CEACAM19: variants seen among roughly 807,000 people sequenced by gnomAD.
CEACAM19 encodes CEA cell adhesion molecule 19.
A neutral mutation model predicts 37.6 loss-of-function variants in CEACAM19; 37 were observed. The observed-to-expected ratio is 0.98, with a 90% confidence interval of 0.76 to 1.29. CEACAM19 has a LOEUF of 1.29. CEACAM19 is among the 50% of genes most tolerant of loss of function. The pLI is 0.00. For missense variants in CEACAM19, 340 were observed against 375.6 expected, an observed-to-expected ratio of 0.91 and a Z score of 0.78; for synonymous variants, 140 against 149.8, an observed-to-expected ratio of 0.93 and a Z score of 0.48.
Position 44,672,637 on chromosome 19 carries a change from G to T in CEACAM19, c.97G>T (p.Ala33Ser), listed in dbSNP as rs1973875625. Residue 33 changes from alanine to serine, a missense_variant, in exon 2 of 8, where the codon GCT becomes TCT. Coordinates refer to ENST00000358777, the MANE Select transcript of CEACAM19 (RefSeq NM_001127893.3). ...VLWMLQGSQA[A>S]LYIQKIPEQP... ...CTGGATGCTCCAAGGCTCCCAGGCA[G>T]CTCTCTACATCCAGAAGATTCCAGA... 6.7e-7 allele frequency: 1 copy of T among 1,495,338 alleles called. No homozygotes were observed. Among genetic ancestry groups the T allele is most frequent in the African/African-American group, 1.4e-5 (1 of 70,790 alleles). 92.6% of individuals were successfully genotyped at this position (1,495,338 alleles called of 1,614,324 possible).
chr19:44,668,742 AATATAATATAATATAAT>A (rs1440248824), upstream of CEACAM19, among the ~76,000 whole-genome samples: 1 of 96,668 alleles, frequency 1.0e-5, no homozygotes, highest in African/African-American at 4.9e-5. Flanking sequence ...TATAATATAT[AATATAATATAATATAAT>A]ATATATAATA....
upstream of CEACAM19, among the ~76,000 whole-genome samples, chr19:44,668,661 A>ACATAT (rs1973802772): frequency 3.5e-5 from 3 of 85,316 alleles, no homozygotes; most frequent in African/African-American, 1.5e-4. Context: ...ATAATTATAT[A>ACATAT]ATTATATACA....
upstream of CEACAM19, among the ~76,000 whole-genome samples, chr19:44,670,764 G>A (rs1290553099): frequency 1.6e-5 from 2 of 121,862 alleles, no homozygotes; most frequent in Non-Finnish European, 3.3e-5. Flanking sequence ...GAAAGACAGA[G>A]CAAGACCCTG....
At chr19:44,667,596 T>C (rs1973736589), upstream of CEACAM19, among the ~76,000 whole-genome samples, 3 of 105,372 alleles carry the variant, frequency 2.8e-5, no homozygotes, top group South Asian at 7.3e-4. Flanking sequence ...TATATATTTT[T>C]ATATATAAAT....
intron 6 of CEACAM19, 95 bp downstream of exon 6, chr19:44,681,407 G>T: frequency 1.4e-6 from 1 of 740,554 alleles, no homozygotes; most frequent in Non-Finnish European, 2.3e-6. Context: ...TTGACACCAG[G>T]TTTGGGAATC....
chr19:44,676,435 A>G lies in CEACAM19; in HGVS notation c.575+14A>G, dbSNP rs1413763268. The G allele has an allele frequency of 2.5e-6, 4 of 1,613,648 alleles. No homozygotes were observed. Among genetic ancestry groups the G allele is most frequent in the Non-Finnish European group, 3.4e-6 (4 of 1,179,776 alleles). ...CCAGAGCCACAGGTACAGGGTCCCC[A>G]AGTGTCCCTCTCCTGTCTGCTCCCA... On this transcript the variant is annotated intron_variant, in intron 3 of 7. Coordinates refer to ENST00000358777, the MANE Select transcript of CEACAM19 (RefSeq NM_001127893.3).
chr19:44,674,710 A>G lies in CEACAM19; in HGVS notation c.425-1561A>G, dbSNP rs146741918. Among the ~76,000 whole-genome samples the G allele has an allele frequency of 3.3e-3, 497 of 152,294 alleles. 1 individual carries two copies. The highest frequency in any genetic ancestry group is 0.011 in the African/African-American group (471 of 41,556). On this transcript the variant is annotated intron_variant, in intron 2 of 7. Coordinates refer to ENST00000358777, the MANE Select transcript of CEACAM19 (RefSeq NM_001127893.3). ...GAGCCACCACCCCTGGCCCCTAGTT[A>G]AATTTTAAAATGAGTTTTGGACAGT...
At chr19:44,673,850 T>C (rs936822403) in intron 2 of CEACAM19, 1 of 152,094 alleles carries the variant, frequency 6.6e-6, no homozygotes, top group African/African-American at 2.4e-5. Context: ...AAGAAGGTGA[T>C]TGAGGGAGGG....
chr19:44,666,543 G>A (rs1260558209), upstream of CEACAM19, among the ~76,000 whole-genome samples: 2 of 152,162 alleles, frequency 1.3e-5, no homozygotes, highest in African/African-American at 2.4e-5. Flanking sequence ...GGTGGCGTGC[G>A]CCTATAGTCC....
chr19:44,675,528 G>A (rs1973932921), intron 2 of CEACAM19, among the ~76,000 whole-genome samples: 1 of 152,062 alleles, frequency 6.6e-6, no homozygotes, highest in Non-Finnish European at 1.5e-5. Context: ...GGCCACGTCT[G>A]TAATCCCAAC....
intron 3 of CEACAM19, chr19:44,678,598 A>G (rs1182030523): frequency 2.3e-5 from 7 of 308,594 alleles, no homozygotes; most frequent in African/African-American, 4.4e-5. Flanking sequence ...TTTAGTAGAG[A>G]CGGGGTTTCA....
upstream of CEACAM19, among the ~76,000 whole-genome samples, chr19:44,670,781 GAAAAAAAAAA>G (rs74691226): frequency 1.0e-4 from 6 of 58,174 alleles, no homozygotes; most frequent in East Asian, 8.4e-4. Context: ...CCTGTCTCAA[GAAAAAAAAAA>G]AAAAAAAAAA....
At chr19:44,668,475 A>AAT (rs1277348475), upstream of CEACAM19, among the ~76,000 whole-genome samples, 3 of 62,846 alleles carry the variant, frequency 4.8e-5, no homozygotes, top group Non-Finnish European at 7.8e-5. Flanking sequence ...TATATAATAT[A>AAT]ATATATATAT....
chr19:44,682,325 G>A (rs914537754), intron 6 of CEACAM19, among the ~76,000 whole-genome samples: 2 of 152,198 alleles, frequency 1.3e-5, no homozygotes, highest in African/African-American at 4.8e-5. Flanking sequence ...GTTGACAGGG[G>A]TAGACTGAGA....
chr19:44,674,718 A>C (rs1354831663), intron 2 of CEACAM19, among the ~76,000 whole-genome samples: 1 of 152,206 alleles, frequency 6.6e-6, no homozygotes, highest in Non-Finnish European at 1.5e-5. Context: ...TTAAATTTTA[A>C]AATGAGTTTT....
upstream of CEACAM19, chr19:44,666,873 G>A (rs1369784973): frequency 6.6e-6 from 1 of 151,902 alleles, no homozygotes; most frequent in Non-Finnish European, 1.5e-5. Context: ...ACAATGACAG[G>A]CATTTGTTGC....
At chr19:44,668,149 T>C (rs1973773490), upstream of CEACAM19, among the ~76,000 whole-genome samples, 1 of 83,238 alleles carries the variant, frequency 1.2e-5, no homozygotes, top group Non-Finnish European at 2.0e-5. Context: ...ATATTATATA[T>C]ATTTATATGC....
chr19:44,681,415 A>G, intron 6 of CEACAM19, 103 bp downstream of exon 6: 1 of 689,612 alleles, frequency 1.5e-6, no homozygotes, highest in Non-Finnish European at 2.5e-6. Context: ...AGGTTTGGGA[A>G]TCTCAACTCT....
chr19:44,674,889 C>T (rs1021203964), intron 2 of CEACAM19, among the ~76,000 whole-genome samples: 4 of 152,120 alleles, frequency 2.6e-5, no homozygotes, highest in African/African-American at 9.7e-5. Flanking sequence ...GTGACTTCTC[C>T]CCACATTTCC....
Sources: allele counts gnomAD v4.1 joint callset (sites outside exome capture counted in the v4.1 genomes callset), GRCh38; gene constraint gnomAD v4.1.1; transcripts MANE v1.5; gene names NCBI Gene and HGNC (gene_info 2026-07-23, HGNC 2026-07-21).